DYNC2H1: variants seen among roughly 807,000 people sequenced by gnomAD.
DYNC2H1 encodes the protein dynein cytoplasmic 2 heavy chain 1, also known as cytoplasmic dynein 2 heavy chain 1.
In DYNC2H1, 410 loss-of-function variants were observed where a neutral mutation model predicts 570.0. That is an observed-to-expected ratio of 0.72 (90% CI 0.66 to 0.78). DYNC2H1 has a LOEUF of 0.78. DYNC2H1 is among the 30% of genes least tolerant of loss of function. The probability of loss-of-function intolerance (pLI) is 0.00; values close to 1 mark genes in which losing one functional copy is unlikely to be tolerated. For missense variants in DYNC2H1, 4,865 were observed against 5,046.4 expected (o/e 0.96, Z 1.09); for synonymous variants, 1,688 against 1,677.6 (o/e 1.01, Z -0.15).
At position 103,120,543 on chromosome 11, in the gene DYNC2H1, A is replaced by G. The variant is rs1313775113; in HGVS notation, c.1096A>G (p.Thr366Ala). Residue 366 changes from threonine (T) to alanine (A), a missense_variant, in exon 7 of 89, where the codon ACT (threonine) becomes GCT (alanine). By Grantham distance (58) the Thr-to-Ala change is moderately conservative (BLOSUM62 0). This residue lies in a region of DYNC2H1 where 1,936 missense variants were observed against 1,962.1 expected (regional missense o/e 0.99). Coordinates refer to ENST00000375735, the MANE Select transcript of DYNC2H1 (RefSeq NM_001377.3). ...ICLTRVFEPF[T>A]GLNPVQYNPY... Reference sequence around the variant, plus strand: ...CCTCACTCGAGTATTTGAACCTTTTACTGGCCTGAATCCTGTGCAATATAA... The same window carrying G: ...CCTCACTCGAGTATTTGAACCTTTTGCTGGCCTGAATCCTGTGCAATATAA... The G allele has an allele frequency of 6.2e-7, 1 of 1,613,050 alleles. No homozygotes were observed. Among genetic ancestry groups the G allele is most frequent in the Non-Finnish European group, 8.5e-7 (1 of 1,179,470 alleles).
chr11:103,311,666 A>G (rs889607530), intron 78 of DYNC2H1, among the ~76,000 whole-genome samples: 1 of 146,834 alleles, frequency 6.8e-6, no homozygotes, highest in African/African-American at 2.4e-5. Context: ...TTAAATTTGA[A>G]TAATTATTCT....
chr11:103,423,531 G>T (rs190187225), intron 84 of DYNC2H1, among the ~76,000 whole-genome samples: 1,536 of 150,592 alleles, frequency 0.01, 29 homozygotes, highest in African/African-American at 0.035. Flanking sequence ...TAGTGACTTT[G>T]TGTTTGACAG....
chr11:103,377,561 A>G (rs1421202261), intron 83 of DYNC2H1, among the ~76,000 whole-genome samples: 1 of 152,160 alleles, frequency 6.6e-6, no homozygotes, highest in Non-Finnish European at 1.5e-5. Flanking sequence ...AAAACTAACC[A>G]TTTAGTTATA....
chr11:103,217,690 T>G (rs1472488869), intron 55 of DYNC2H1, among the ~76,000 whole-genome samples: 2 of 152,138 alleles, frequency 1.3e-5, no homozygotes, highest in African/African-American at 4.8e-5. Context: ...TTGTTTGATG[T>G]GATATCAAAA....
intron 84 of DYNC2H1, among the ~76,000 whole-genome samples, chr11:103,432,822 A>G (rs566680570): frequency 1.3e-5 from 2 of 152,282 alleles, no homozygotes; most frequent in South Asian, 2.1e-4. Context: ...TGAGGACTAT[A>G]TGAGGTGGTG....
rs190821965 is a variant in DYNC2H1 at position 103,141,590 on chromosome 11, G to A, written c.2575-1678G>A. On this transcript the variant is annotated intron_variant, in intron 17 of 88. Coordinates refer to ENST00000375735, the MANE Select transcript of DYNC2H1 (RefSeq NM_001377.3). ...TTTTGTCTCAGAGGAGTACCCGGCC[G>A]TCTGAGGTGTCAGTCTGCCCCTACT... Among the ~76,000 whole-genome samples, 185 of 152,304 alleles carry A rather than the reference G, an allele frequency of 1.2e-3. 2 individuals carry two copies. The highest frequency in any genetic ancestry group is 4.6e-3 in the South Asian group (22 of 4,832).
At chr11:103,240,632 C>A (rs1864391756) in intron 63 of DYNC2H1, among the ~76,000 whole-genome samples, 1 of 152,068 alleles carries the variant, frequency 6.6e-6, no homozygotes, top group Admixed American at 6.6e-5. Flanking sequence ...TGAATTCATC[C>A]TGTTTTAATC....
intron 40 of DYNC2H1, 138 bp downstream of exon 40, chr11:103,182,024 C>T: frequency 1.3e-6 from 1 of 799,226 alleles, no homozygotes; most frequent in Non-Finnish European, 1.9e-6. Context: ...ACTGCTACTC[C>T]TCTGTATCTC....
intron 84 of DYNC2H1, chr11:103,407,981 A>C (rs1709163): frequency 6.6e-6 from 1 of 151,752 alleles, no homozygotes; most frequent in Admixed American, 6.6e-5. Flanking sequence ...GCTACAGCTC[A>C]TAATGCACTG....
Position 103,369,340 on chromosome 11 carries a change from G to C in DYNC2H1, c.12156+10981G>C, listed in dbSNP as rs2514403. ...TCTTGCAAGCCTCACCAAAGCAGGC[G>C]GAAGTACTCTGGGGCTCTAAATAAT... On this transcript the variant is annotated intron_variant, in intron 83 of 88. Coordinates refer to ENST00000375735, the MANE Select transcript of DYNC2H1 (RefSeq NM_001377.3). This position sits in a 1 kb window ranked among gnomAD's most constrained non-coding sequence, Gnocchi z 4.0. 6.6e-6 allele frequency among the ~76,000 whole-genome samples: 1 copy of C among 151,976 alleles called. No individual in the cohort carries two copies. Among genetic ancestry groups the C allele is most frequent in the Non-Finnish European group, 1.5e-5 (1 of 68,006 alleles).
intron 80 of DYNC2H1, among the ~76,000 whole-genome samples, chr11:103,317,222 A>G (rs1937900975): frequency 6.6e-6 from 1 of 151,738 alleles, no homozygotes; most frequent in African/African-American, 2.4e-5. Flanking sequence ...TCACAAACAA[A>G]TCTCTCAATT....
chr11:103,371,693 A>G (rs1424732627), intron 83 of DYNC2H1, among the ~76,000 whole-genome samples: 3 of 152,170 alleles, frequency 2.0e-5, no homozygotes, highest in Admixed American at 2.0e-4. Context: ...AGAATAGTAT[A>G]TGTAGTGAAA....
chr11:103,360,267 C>T (rs558106896), intron 83 of DYNC2H1, among the ~76,000 whole-genome samples: 33 of 152,126 alleles, frequency 2.2e-4, no homozygotes, highest in African/African-American at 7.5e-4. Context: ...ATTTTGAATT[C>T]TCTTCACTTA....
At chr11:103,300,627 C>G (rs538018696) in intron 75 of DYNC2H1, among the ~76,000 whole-genome samples, 3 of 151,868 alleles carry the variant, frequency 2.0e-5, no homozygotes, top group East Asian at 3.9e-4. Flanking sequence ...TTTTTTTCTC[C>G]AACTCAAAAT....
intron 70 of DYNC2H1, among the ~76,000 whole-genome samples, chr11:103,273,328 ACAGG>A (rs1865783016): frequency 1.3e-5 from 2 of 151,924 alleles, no homozygotes; most frequent in Admixed American, 6.6e-5. Context: ...TACTGGGACT[ACAGG>A]CACACACCAC....
intron 44 of DYNC2H1, among the ~76,000 whole-genome samples, chr11:103,188,959 T>A (rs555991148): frequency 9.9e-5 from 15 of 152,006 alleles, no homozygotes; most frequent in Non-Finnish European, 2.2e-4. Context: ...TTTTATGCAG[T>A]TCATGAAACA....
At chr11:103,266,994 C>T (rs185988136) in intron 70 of DYNC2H1, among the ~76,000 whole-genome samples, 17 of 152,304 alleles carry the variant, frequency 1.1e-4, no homozygotes, top group African/African-American at 2.2e-4. Flanking sequence ...GCACATACTC[C>T]GGTACCAAAC....
At chr11:103,211,230 A>G in intron 53 of DYNC2H1, among the ~76,000 whole-genome samples, 1 of 151,986 alleles carries the variant, frequency 6.6e-6, no homozygotes, top group East Asian at 1.9e-4. Context: ...GTCTTGGAAT[A>G]TTCATTACAA....
At chr11:103,329,011 G>A (rs1359181891) in intron 82 of DYNC2H1, among the ~76,000 whole-genome samples, 1 of 152,042 alleles carries the variant, frequency 6.6e-6, no homozygotes, top group East Asian at 1.9e-4. Flanking sequence ...GAAATGTCTA[G>A]TAGGAACATA....
Sources: gnomAD v4.1 joint callset for allele counts (sites outside exome capture counted in the v4.1 genomes callset) on GRCh38, gnomAD v4.1.1 for gene constraint, gnomAD v4.1.1 regional missense constraint, Gnocchi (gnomAD v3.1) non-coding constraint, MANE v1.5 for transcripts, NCBI Gene and HGNC (gene_info 2026-07-23, HGNC 2026-07-21) for gene names.